Variants in COL26A1 observed in about 807,000 individuals in gnomAD.
COL26A1 encodes collagen alpha-1(XXVI) chain.
Under a neutral mutation model 59.3 loss-of-function variants are expected in COL26A1, and 41 were observed. That is an observed-to-expected ratio of 0.69 (90% CI 0.54 to 0.90). COL26A1 has a LOEUF of 0.90. Ranked by LOEUF, COL26A1 falls within the 40% of genes least tolerant of loss-of-function variation. The pLI is 0.00. For synonymous variants in COL26A1, 266 were observed against 256.0 expected, an observed-to-expected ratio of 1.04 and a Z score of -0.37; for missense variants, 612 against 602.3, an observed-to-expected ratio of 1.02 and a Z score of -0.17.
At chr7:101,440,414 C>T (rs1398758504) in intron 2 of COL26A1, among the ~76,000 whole-genome samples, 3 of 152,134 alleles carry the variant, frequency 2.0e-5, no homozygotes, top group Admixed American at 6.6e-5. Flanking sequence ...TGGACCCTAG[C>T]GGCAGGGGCT....
intron 10 of COL26A1, 95 bp downstream of exon 10, chr7:101,551,238 T>TTGGGGGGGGGGGGGGTGGGGGGGGGGGCC: frequency 2.0e-6 from 1 of 491,354 alleles, no homozygotes; most frequent in Non-Finnish European, 4.0e-6. Context: ...GGTGGGGGGG[T>TTGGGGGGGGGGGGGGTGGGGGGGGGGGCC]TCAGCCCTGG....
chr7:101,434,620 G>A (rs925954859), intron 2 of COL26A1, among the ~76,000 whole-genome samples: 1 of 151,782 alleles, frequency 6.6e-6, no homozygotes, highest in African/African-American at 2.4e-5. Flanking sequence ...GAGTGTGTTG[G>A]TGAGGAGAGA....
intron 1 of COL26A1, among the ~76,000 whole-genome samples, chr7:101,380,589 T>C (rs1791422881): frequency 6.6e-6 from 1 of 152,144 alleles, no homozygotes; most frequent in South Asian, 2.1e-4. Context: ...GTTTTTACTT[T>C]ACTCTATGGA....
At chr7:101,537,135 G>A (rs962453556) in intron 4 of COL26A1, among the ~76,000 whole-genome samples, 11 of 152,210 alleles carry the variant, frequency 7.2e-5, no homozygotes, top group South Asian at 6.2e-4. Context: ...GGCATTGGGG[G>A]CCAGGCAACC....
Position 101,547,068 on chromosome 7 carries a change from C to T in COL26A1, c.857-88C>T, listed in dbSNP as rs980784617. The T allele has an allele frequency of 3.3e-6, 3 of 916,152 alleles. No homozygotes were observed. In the African/African-American group the frequency reaches 5.0e-5, roughly 15 times the overall value. The allele number at this position is 916,152 out of a possible 1,614,324, so 56.8% of individuals were successfully genotyped here. A position where few individuals can be genotyped will look rare whatever the true frequency, so the allele number is the denominator to read the frequency against. On this transcript the variant is annotated intron_variant, in intron 7 of 12. Transcript: ENST00000313669. ...GGAGCCCCCCTGGGCTTCGTGTGGC[C>T]TGGCTCAGGGCTCAGTGCCCCGGAC...
chr7:101,377,181 C>T (rs9987064), intron 1 of COL26A1, among the ~76,000 whole-genome samples: 32,209 of 147,122 alleles, frequency 0.22, 4,078 homozygotes, highest in African/African-American at 0.4. Context: ...TTCTTTTTTC[C>T]TTTTAAATAG....
intron 2 of COL26A1, among the ~76,000 whole-genome samples, chr7:101,424,133 C>T (rs929856040): frequency 6.6e-6 from 1 of 151,244 alleles, no homozygotes; most frequent in Admixed American, 6.6e-5. Context: ...CCCAGGAGTT[C>T]GAGGCTGCAG....
At chr7:101,538,629 A>G (rs1267183237) in intron 4 of COL26A1, among the ~76,000 whole-genome samples, 2 of 151,158 alleles carry the variant, frequency 1.3e-5, no homozygotes, top group African/African-American at 4.9e-5. Context: ...TGTCCCATAG[A>G]GGGGTGGAGG....
At chr7:101,517,604 A>G (rs965542954) in intron 3 of COL26A1, among the ~76,000 whole-genome samples, 3 of 152,072 alleles carry the variant, frequency 2.0e-5, no homozygotes, top group Admixed American at 6.6e-5. Context: ...CCATGATTCA[A>G]TTAGCTCCCA....
intron 7 of COL26A1, among the ~76,000 whole-genome samples, chr7:101,545,716 G>A (rs1440689058): frequency 1.3e-5 from 2 of 152,160 alleles, no homozygotes; most frequent in Admixed American, 6.5e-5. Context: ...CTTGGTCCTG[G>A]GGCTAAGCAT....
At chr7:101,407,333 C>T (rs1032378401) in intron 1 of COL26A1, among the ~76,000 whole-genome samples, 2 of 152,152 alleles carry the variant, frequency 1.3e-5, no homozygotes, top group Non-Finnish European at 2.9e-5. Context: ...GCTCGATATT[C>T]CTGAGGAACC....
chr7:101,389,832 C>T (rs1007082686), intron 1 of COL26A1, among the ~76,000 whole-genome samples: 3 of 151,964 alleles, frequency 2.0e-5, no homozygotes, highest in African/African-American at 7.3e-5. Flanking sequence ...GGATTACAGG[C>T]GTGAGCCACC....
intron 2 of COL26A1, among the ~76,000 whole-genome samples, chr7:101,442,329 C>CTTT (rs35025332): frequency 1.4e-5 from 2 of 139,360 alleles, no homozygotes; most frequent in Admixed American, 7.2e-5. Context: ...CTAGGTCTTT[C>CTTT]TTTTTTTTTT....
intron 3 of COL26A1, among the ~76,000 whole-genome samples, chr7:101,498,619 G>T (rs1262456780): frequency 6.6e-6 from 1 of 152,184 alleles, no homozygotes; most frequent in East Asian, 1.9e-4. Context: ...CGACACCAAG[G>T]CTGTGGATGC....
In COL26A1 at chr7:101,555,671, G is replaced by C. The variant is rs73413436; in HGVS notation, c.1081-116G>C. The C allele has an allele frequency of 3.5e-3, 2,283 of 654,368 alleles. 47 individuals are homozygous for C. The highest frequency in any genetic ancestry group is 0.035 in the African/African-American group (1,944 of 55,986). The allele number at this position is 654,368 out of a possible 1,614,324, so 40.5% of individuals were successfully genotyped here. On this transcript the variant is annotated intron_variant, in intron 11 of 12. Transcript: ENST00000313669. ...CTTATTTGCAGTGGTGAGGGTGTCG[G>C]GTGGGAAGAGGCAGGGGTGGGGGGC...
chr7:101,401,650 G>A (rs1792003245), intron 1 of COL26A1, among the ~76,000 whole-genome samples: 1 of 107,606 alleles, frequency 9.3e-6, no homozygotes, highest in East Asian at 2.7e-4. Flanking sequence ...GAGAGGAGGA[G>A]GTGGAGGAGG....
At chr7:101,522,928 A>G (rs1238160580) in intron 3 of COL26A1, among the ~76,000 whole-genome samples, 3 of 152,152 alleles carry the variant, frequency 2.0e-5, no homozygotes, top group Non-Finnish European at 4.4e-5. Context: ...GATATGGCAA[A>G]TGAACTTGAC....
chr7:101,488,386 A>ATT (rs774668616), intron 3 of COL26A1, among the ~76,000 whole-genome samples: 1 of 124,796 alleles, frequency 8.0e-6, no homozygotes, highest in Non-Finnish European at 1.7e-5. Flanking sequence ...ATACACACAC[A>ATT]TTTTTTTTTT....
intron 3 of COL26A1, among the ~76,000 whole-genome samples, chr7:101,514,366 T>TA (rs1401961488): frequency 1.3e-5 from 2 of 151,238 alleles, no homozygotes; most frequent in Non-Finnish European, 2.9e-5. Flanking sequence ...ATAAAAACAA[T>TA]AAAAAAAATA....
Sources: allele counts gnomAD v4.1 joint callset (sites outside exome capture counted in the v4.1 genomes callset), GRCh38; gene constraint gnomAD v4.1.1; transcripts MANE v1.5; gene names NCBI Gene and HGNC (gene_info 2026-07-23, HGNC 2026-07-21).